The following MSI2 variants were observed in gnomAD, a reference collection of about 807,000 sequenced individuals.
The protein encoded by MSI2 is musashi RNA binding protein 2.
Under a neutral mutation model 45.6 loss-of-function variants are expected in MSI2, and 17 were observed. That is an observed-to-expected ratio of 0.37 (90% CI 0.26 to 0.56). MSI2 has a LOEUF of 0.56. Ranked by LOEUF, MSI2 falls within the 20% of genes least tolerant of loss-of-function variation. The pLI is 0.77. For synonymous variants in MSI2, 156 were observed against 158.2 expected (o/e 0.99, Z 0.11); for missense variants, 293 against 444.2 (o/e 0.66, Z 3.06).
At chr17:57,604,411 G>A (rs536827480) in intron 8 of MSI2, among the ~76,000 whole-genome samples, 3 of 152,248 alleles carry the variant, frequency 2.0e-5, no homozygotes, top group South Asian at 2.1e-4. Context: ...TGCAAGTGGT[G>A]CGGGACCTGG....
chr17:57,493,368 G>A (rs1354743523), intron 6 of MSI2, among the ~76,000 whole-genome samples: 6 of 152,058 alleles, frequency 3.9e-5, no homozygotes, highest in Non-Finnish European at 8.8e-5. Flanking sequence ...AGCAAAAGAG[G>A]AAGCGATGAA....
intron 8 of MSI2, among the ~76,000 whole-genome samples, chr17:57,597,829 T>A (rs1257617457): frequency 6.6e-6 from 1 of 152,240 alleles, no homozygotes; most frequent in African/African-American, 2.4e-5. Flanking sequence ...TGGGTCCTGC[T>A]GGAAAATTAA....
intron 5 of MSI2, among the ~76,000 whole-genome samples, chr17:57,367,753 C>CAGAA (rs1917300996): frequency 6.6e-6 from 1 of 152,184 alleles, no homozygotes; most frequent in Non-Finnish European, 1.5e-5. Flanking sequence ...CGAGTTGAAG[C>CAGAA]TTATCTGCAG....
intron 5 of MSI2, among the ~76,000 whole-genome samples, chr17:57,301,210 C>T (rs934059150): frequency 3.3e-5 from 5 of 152,090 alleles, no homozygotes; most frequent in Admixed American, 6.6e-5. Flanking sequence ...GATTCATTTC[C>T]CTTTGATTTT....
intron 5 of MSI2, among the ~76,000 whole-genome samples, chr17:57,269,232 A>G (rs1033024257): frequency 1.3e-5 from 2 of 152,176 alleles, no homozygotes; most frequent in Non-Finnish European, 2.9e-5. Context: ...GCCTGGCATG[A>G]GGCTTGCAAA....
In MSI2 at chr17:57,407,505, A is replaced by G. The variant is rs561338479; in HGVS notation, c.405+6034A>G. ...GTCGTAGATAAACAGAGCTCTGTGC[A>G]GTGTGGTTCTCTCAGAGGAGGCTTG... is the stretch of plus-strand genomic sequence containing the variant. On this transcript the variant is annotated intron_variant, in intron 6 of 13. Coordinates refer to ENST00000284073, the MANE Select transcript of MSI2 (RefSeq NM_138962.4). This position sits in a 1 kb window ranked among gnomAD's most constrained non-coding sequence, Gnocchi z 4.1. 6.6e-6 allele frequency among the ~76,000 whole-genome samples: 1 copy of G among 152,296 alleles called. No homozygotes were observed. The highest frequency in any genetic ancestry group is 2.1e-4 in the South Asian group (1 of 4,830).
intron 4 of MSI2, 52 bp downstream of exon 4, chr17:57,258,406 C>A: frequency 1.4e-6 from 2 of 1,406,938 alleles, no homozygotes; most frequent in Non-Finnish European, 2.0e-6. Flanking sequence ...ACGATCTGGG[C>A]ATTGACAGCC....
intron 6 of MSI2, among the ~76,000 whole-genome samples, chr17:57,518,510 T>C (rs531937554): frequency 6.6e-6 from 1 of 152,376 alleles, no homozygotes; most frequent in South Asian, 2.1e-4. Flanking sequence ...TTGGTAATTA[T>C]AAACCCTTCC....
intron 6 of MSI2, among the ~76,000 whole-genome samples, chr17:57,421,017 G>A (rs540844979): frequency 2.4e-4 from 37 of 152,218 alleles, no homozygotes; most frequent in African/African-American, 7.9e-4. Flanking sequence ...GATTATGCTC[G>A]ACTGGAGACT....
chr17:57,367,738 T>TC (rs1402131651), intron 5 of MSI2, among the ~76,000 whole-genome samples: 1 of 152,108 alleles, frequency 6.6e-6, no homozygotes, highest in African/African-American at 2.4e-5. Context: ...TGAGTGCTCA[T>TC]CCCCCGAGTT....
intron 6 of MSI2, among the ~76,000 whole-genome samples, chr17:57,498,784 A>G (rs928737925): frequency 5.9e-5 from 9 of 151,668 alleles, no homozygotes; most frequent in African/African-American, 1.9e-4. Context: ...TTTTTAAATT[A>G]TACTTTAAGT....
chr17:57,405,814 A>G (rs541495147), intron 6 of MSI2, among the ~76,000 whole-genome samples: 5 of 152,226 alleles, frequency 3.3e-5, no homozygotes, highest in African/African-American at 1.2e-4. Context: ...TCTGAATTGG[A>G]GTTACTGGTG....
rs185025916 is a variant in MSI2 at position 57,635,953 on chromosome 17, C to G, written c.727+8650C>G. 1.3e-3 allele frequency among the ~76,000 whole-genome samples: 200 copies of G among 152,308 alleles called. 1 individual carries two copies. The highest frequency in any genetic ancestry group is 4.5e-3 in the African/African-American group (188 of 41,562). On this transcript the variant is annotated intron_variant, in intron 10 of 13. Transcript: ENST00000284073. ...TCTATATTCCTGTCCAATGATGGTT[C>G]TTCGGCGCCAGGTGATTTTCCATCA...
chr17:57,322,196 A>G (rs1913406811), intron 5 of MSI2, among the ~76,000 whole-genome samples: 1 of 152,194 alleles, frequency 6.6e-6, no homozygotes, highest in South Asian at 2.1e-4. Context: ...AGAATGTGGT[A>G]GCTGAATCAG....
At chr17:57,388,200 A>G (rs2083718629) in intron 5 of MSI2, among the ~76,000 whole-genome samples, 2 of 152,162 alleles carry the variant, frequency 1.3e-5, no homozygotes, top group African/African-American at 4.8e-5. Context: ...GCTCATGATG[A>G]TTTTGGCCTC....
chr17:57,403,123 C>T (rs984831841), intron 6 of MSI2, among the ~76,000 whole-genome samples: 62 of 151,624 alleles, frequency 4.1e-4, no homozygotes, highest in Non-Finnish European at 5.9e-4. Context: ...ATTTCTTTTT[C>T]GAGCCATAAC....
chr17:57,431,508 G>A (rs943325106), intron 6 of MSI2, among the ~76,000 whole-genome samples: 1 of 152,206 alleles, frequency 6.6e-6, no homozygotes, highest in Non-Finnish European at 1.5e-5. Flanking sequence ...TTGTAGCATG[G>A]TCGGTGCGGC....
chr17:57,441,293 C>A (rs188302106), intron 6 of MSI2, among the ~76,000 whole-genome samples: 415 of 152,270 alleles, frequency 2.7e-3, no homozygotes, highest in Non-Finnish European at 4.0e-3. Flanking sequence ...AATTGCTGCC[C>A]TGAGGCTCTT....
intron 6 of MSI2, among the ~76,000 whole-genome samples, chr17:57,419,937 G>A (rs1044170598): frequency 9.8e-5 from 15 of 152,364 alleles, no homozygotes; most frequent in South Asian, 2.1e-4. Context: ...GTCAGATTGT[G>A]TCAGTAATCG....
Sources: allele counts gnomAD v4.1 joint callset (sites outside exome capture counted in the v4.1 genomes callset), GRCh38; gene constraint gnomAD v4.1.1; non-coding constraint Gnocchi (gnomAD v3.1); transcripts MANE v1.5; gene names NCBI Gene and HGNC (gene_info 2026-07-23, HGNC 2026-07-21).